Variants in STAT5B observed in about 807,000 individuals in gnomAD.
The protein encoded by STAT5B is transcription factor STAT5B.
A neutral mutation model predicts 107.8 loss-of-function variants in STAT5B; 21 were observed. The observed-to-expected ratio is 0.19, with a 90% CI of 0.14 to 0.28. The LOEUF is 0.28. Ranked by LOEUF, STAT5B falls within the 10% of genes least tolerant of loss-of-function variation. STAT5B has a pLI of 1.00. For synonymous variants in STAT5B, 325 were observed against 401.7 expected (o/e 0.81, Z 2.28); for missense variants, 565 against 1,008.2 (o/e 0.56, Z 5.95).
Position 42,218,869 on chromosome 17 carries a change from C to T in STAT5B, c.843G>A (p.Lys281=), listed in dbSNP as rs2080197943. The change falls in exon 8 of 19, where the codon AAG becomes AAA. Residue 281 remains lysine, a synonymous_variant. Coordinates refer to ENST00000293328, the MANE Select transcript of STAT5B (RefSeq NM_012448.4). Reference sequence around the variant, plus strand: ...GGTTCTGCCAGATGATCTCGGCCAACTTCTCACACCTGCACGAGAGCCCCA... The same window carrying T: ...GGTTCTGCCAGATGATCTCGGCCAATTTCTCACACCTGCACGAGAGCCCCA... ...SLDVLQSWCE[K]LAEIIWQNRQ... is the part of the protein sequence containing the mutation. The T allele has an allele frequency of 3.1e-6, 5 of 1,613,700 alleles. No individual in the cohort carries two copies. In the South Asian group the frequency reaches 5.5e-5, roughly 18 times the overall value.
At chr17:42,214,598 A>G (rs1442475835) in intron 12 of STAT5B, 2 of 985,254 alleles carry the variant, frequency 2.0e-6, no homozygotes, top group Admixed American at 6.2e-5. Context: ...GTCAAATCCT[A>G]TATTCTAACA....
At chr17:42,201,946 C>T (rs897011000) in intron 18 of STAT5B, 82 bp from the exon 19 acceptor site, 5 of 1,341,132 alleles carry the variant, frequency 3.7e-6, no homozygotes, top group Admixed American at 3.7e-5. Context: ...ACCAGGGGAG[C>T]AGTCTGAGCC....
At chr17:42,283,023 GA>G in the STAT5B span, among the ~76,000 whole-genome samples, 1 of 152,238 alleles carries the variant, frequency 6.6e-6, no homozygotes, top group Non-Finnish European at 1.5e-5. Context: ...AGATTCTACA[GA>G]AAGGAACCCC....
chr17:42,209,523 G>A (rs1236084827), intron 15 of STAT5B, among the ~76,000 whole-genome samples: 1 of 152,254 alleles, frequency 6.6e-6, no homozygotes, highest in East Asian at 1.9e-4. Flanking sequence ...CCAGGAGTTC[G>A]AGACCAGCCT....
At chr17:42,245,034 T>C (rs2080438998) in intron 1 of STAT5B, among the ~76,000 whole-genome samples, 1 of 151,008 alleles carries the variant, frequency 6.6e-6, no homozygotes, top group Admixed American at 6.6e-5. Context: ...CCTGAGCAGC[T>C]GGGACCATAG....
intron 12 of STAT5B, among the ~76,000 whole-genome samples, chr17:42,215,604 G>A (rs149680527): frequency 9.2e-5 from 14 of 152,176 alleles, no homozygotes; most frequent in African/African-American, 3.4e-4. Flanking sequence ...AAAGAAAACA[G>A]CGTCTTTTTT....
At chr17:42,218,678 G>A (rs1334309415) in intron 8 of STAT5B, 45 bp downstream of exon 8, 3 of 1,611,892 alleles carry the variant, frequency 1.9e-6, no homozygotes, top group East Asian at 4.5e-5. Context: ...CACGCAGGCA[G>A]GAGCTGCCCC....
At chr17:42,232,831 T>C (rs1367539667) in intron 1 of STAT5B, among the ~76,000 whole-genome samples, 1 of 151,440 alleles carries the variant, frequency 6.6e-6, no homozygotes, top group Non-Finnish European at 1.5e-5. Context: ...AATAAATAAT[T>C]AGCAGAGAGT....
rs763534722 is a variant in STAT5B, at chr17:42,223,564, C to T, written c.376-8G>A. 10 of 1,613,954 alleles carry T rather than the reference C, an allele frequency of 6.2e-6. No homozygotes were observed. The highest frequency in any genetic ancestry group is 8.5e-6 in the Non-Finnish European group (10 of 1,180,016). ...TCCAGCTGGAGAGCTACCCTGGGAACATATGGGGGGCAGTGCAAGGCAGTG... is the reference window on the plus strand; with the variant it reads ...TCCAGCTGGAGAGCTACCCTGGGAATATATGGGGGGCAGTGCAAGGCAGTG... On this transcript the variant is annotated splice_polypyrimidine_tract_variant and splice_region_variant and intron_variant, in intron 4 of 18. Coordinates refer to ENST00000293328, the MANE Select transcript of STAT5B (RefSeq NM_012448.4).
chr17:42,236,616 T>C (rs2144311481), intron 1 of STAT5B, among the ~76,000 whole-genome samples: 1 of 152,260 alleles, frequency 6.6e-6, no homozygotes. Context: ...TAATTTTTTT[T>C]AGTAGAGATG....
the STAT5B span, among the ~76,000 whole-genome samples, chr17:42,283,486 C>T: frequency 6.6e-6 from 1 of 152,214 alleles, no homozygotes; most frequent in South Asian, 2.1e-4. Flanking sequence ...GGCTGGGCAG[C>T]TGGGCAGAGG....
chr17:42,217,966 A>C (rs1468036709), intron 9 of STAT5B, 185 bp downstream of exon 9: 2 of 1,030,840 alleles, frequency 1.9e-6, no homozygotes, highest in Non-Finnish European at 2.8e-6. Context: ...TCGGCCTCTT[A>C]AAGTGCTTGG....
At chr17:42,282,813 C>T in the STAT5B span, among the ~76,000 whole-genome samples, 2 of 152,126 alleles carry the variant, frequency 1.3e-5, no homozygotes, top group African/African-American at 4.8e-5. Flanking sequence ...GCCACACTAA[C>T]CCTAGGAAAG....
intron 1 of STAT5B, among the ~76,000 whole-genome samples, chr17:42,251,998 CAAAAAAAA>C (rs78151719): frequency 1.4e-5 from 1 of 69,418 alleles, no homozygotes; most frequent in Non-Finnish European, 3.3e-5. Flanking sequence ...GGCTCCGTCT[CAAAAAAAA>C]AAAAAAAGAA....
chr17:42,218,461 G>A, intron 8 of STAT5B, 131 bp from the exon 9 acceptor site: 7 of 1,454,462 alleles, frequency 4.8e-6, no homozygotes, highest in Non-Finnish European at 6.5e-6. Context: ...CACAGCCTCT[G>A]TTCCTGGGGA....
intron 1 of STAT5B, among the ~76,000 whole-genome samples, chr17:42,247,123 T>C (rs549517707): frequency 6.6e-6 from 1 of 152,326 alleles, no homozygotes; most frequent in South Asian, 2.1e-4. Flanking sequence ...ACAGAAGCAC[T>C]GCAGGGCAAT....
chr17:42,230,528 A>G (rs1366143809), intron 2 of STAT5B, among the ~76,000 whole-genome samples: 1 of 152,232 alleles, frequency 6.6e-6, no homozygotes, highest in African/African-American at 2.4e-5. Flanking sequence ...ACTAATTCTA[A>G]AAGAAATTTA....
intron 13 of STAT5B, among the ~76,000 whole-genome samples, chr17:42,211,235 A>G (rs1317419749): frequency 2.0e-5 from 3 of 148,100 alleles, no homozygotes; most frequent in Non-Finnish European, 3.0e-5. Context: ...GGGTGGGCAC[A>G]GTGGACTCAC....
chr17:42,253,140 T>TTTC (rs550252928), intron 1 of STAT5B, among the ~76,000 whole-genome samples: 1,678 of 148,772 alleles, frequency 0.011, 31 homozygotes, highest in African/African-American at 0.04. Context: ...TTCTTTCTTT[T>TTTC]TTTCATCTCT....
Sources: allele counts gnomAD v4.1 joint callset (sites outside exome capture counted in the v4.1 genomes callset), GRCh38; gene constraint gnomAD v4.1.1; transcripts MANE v1.5; gene names NCBI Gene and HGNC (gene_info 2026-07-23, HGNC 2026-07-21).